The following PTPRM variants were observed in gnomAD, a reference collection of about 807,000 sequenced individuals.
PTPRM encodes the protein receptor-type tyrosine-protein phosphatase mu.
In PTPRM, 47 loss-of-function variants were observed where a neutral mutation model predicts 186.7. That is an observed-to-expected ratio of 0.25 (90% CI 0.20 to 0.32). PTPRM has a LOEUF of 0.32. Among genes scored for constraint, PTPRM ranks in the 10% least tolerant of loss-of-function variants. The pLI is 1.00. For synonymous variants in PTPRM, 668 were observed against 674.9 expected (o/e 0.99, Z 0.16); for missense variants, 1,494 against 1,865.0 (o/e 0.80, Z 3.66).
intron 1 of PTPRM, among the ~76,000 whole-genome samples, chr18:7,708,234 T>C (rs780418145): frequency 6.6e-6 from 1 of 152,202 alleles, no homozygotes; most frequent in Non-Finnish European, 1.5e-5. Context: ...CCAAATAACG[T>C]TTTCCAGTCT....
At chr18:8,077,458 C>T (rs1420831122) in intron 9 of PTPRM, among the ~76,000 whole-genome samples, 1 of 151,928 alleles carries the variant, frequency 6.6e-6, no homozygotes. Flanking sequence ...TTGAAACACA[C>T]ACAAAAATTA....
At chr18:8,095,086 T>C (rs1004759672) in intron 11 of PTPRM, among the ~76,000 whole-genome samples, 14 of 151,964 alleles carry the variant, frequency 9.2e-5, no homozygotes, top group African/African-American at 2.9e-4. Flanking sequence ...GTGCTAAGCA[T>C]TGGGGATATG....
chr18:7,856,761 T>C (rs1308293987), intron 2 of PTPRM, among the ~76,000 whole-genome samples: 1 of 125,680 alleles, frequency 8.0e-6, no homozygotes, highest in African/African-American at 2.9e-5. Flanking sequence ...AAAAAAGTCA[T>C]CAAGAGTGTG....
chr18:7,843,586 C>T (rs981191809), intron 2 of PTPRM, among the ~76,000 whole-genome samples: 12 of 152,156 alleles, frequency 7.9e-5, no homozygotes, highest in African/African-American at 2.4e-4. Flanking sequence ...TCTAGGCTAG[C>T]ATTTCCCAAA....
intron 1 of PTPRM, among the ~76,000 whole-genome samples, chr18:7,690,744 A>T (rs1164868490): frequency 1.3e-5 from 2 of 152,266 alleles, no homozygotes; most frequent in Admixed American, 1.3e-4. Flanking sequence ...TATGGTTGTT[A>T]CCTAAAGTTC....
intron 19 of PTPRM, among the ~76,000 whole-genome samples, chr18:8,290,474 G>C (rs572821647): frequency 6.6e-6 from 1 of 152,144 alleles, no homozygotes; most frequent in South Asian, 2.1e-4. Flanking sequence ...GTTCTCTTGA[G>C]GTGGGCAACT....
At chr18:8,039,419 A>G (rs963980222) in intron 7 of PTPRM, among the ~76,000 whole-genome samples, 7 of 152,174 alleles carry the variant, frequency 4.6e-5, no homozygotes, top group African/African-American at 1.7e-4. Flanking sequence ...ATACTTAAGT[A>G]TACCAGTTTA....
chr18:7,722,702 T>C (rs2040471124), intron 1 of PTPRM, among the ~76,000 whole-genome samples: 1 of 151,914 alleles, frequency 6.6e-6, no homozygotes, highest in African/African-American at 2.4e-5. Flanking sequence ...AAAAGACAAA[T>C]CATAAACTGG....
chr18:7,773,347 G>GCAT (rs2042417878), intron 1 of PTPRM, among the ~76,000 whole-genome samples: 1 of 152,040 alleles, frequency 6.6e-6, no homozygotes, highest in Admixed American at 6.5e-5. Flanking sequence ...GGTTTGTACT[G>GCAT]CATTTTGTCC....
In PTPRM at chr18:8,211,692, C is replaced by T. The variant is rs372006534; in HGVS notation, c.2301-32366C>T. On this transcript the variant is annotated intron_variant, in intron 14 of 32. Transcript: ENST00000580170. ...TGCTGGGATTACAGGCGTGAGCCAC[C>T]GTGCCCAGCCAGGTCTCTTCTGATT... 2.6e-5 allele frequency among the ~76,000 whole-genome samples: 4 copies of T among 152,210 alleles called. No homozygotes were observed. The East Asian group carries it at 5.8e-4, about 22-fold the overall frequency.
intron 14 of PTPRM, among the ~76,000 whole-genome samples, chr18:8,152,311 C>T (rs1207918938): frequency 6.6e-6 from 1 of 152,100 alleles, no homozygotes; most frequent in Non-Finnish European, 1.5e-5. Context: ...GAAGGAATAT[C>T]AAGGATGAAG....
chr18:7,802,598 C>T (rs550848800), intron 2 of PTPRM, among the ~76,000 whole-genome samples: 24 of 152,270 alleles, frequency 1.6e-4, no homozygotes, highest in African/African-American at 5.3e-4. Context: ...GCCGTTATTA[C>T]AAATGTGTAG....
At chr18:8,044,067 G>A (rs1457423538) in intron 7 of PTPRM, among the ~76,000 whole-genome samples, 1 of 152,198 alleles carries the variant, frequency 6.6e-6, no homozygotes, top group Non-Finnish European at 1.5e-5. Context: ...TTCTCAGGCA[G>A]GCACTCTCAG....
intron 7 of PTPRM, among the ~76,000 whole-genome samples, chr18:7,994,507 C>T (rs979302549): frequency 6.6e-5 from 10 of 152,098 alleles, no homozygotes; most frequent in South Asian, 2.1e-4. Context: ...ACCTTTCATC[C>T]GACAACTGCA....
intron 32 of PTPRM, among the ~76,000 whole-genome samples, chr18:8,398,140 TTTTTTA>T (rs377234548): frequency 5.1e-4 from 77 of 152,108 alleles, no homozygotes; most frequent in African/African-American, 1.7e-3. Context: ...GCCTGGCTGG[TTTTTTA>T]TTTTTATTTT....
intron 13 of PTPRM, among the ~76,000 whole-genome samples, chr18:8,137,620 G>C (rs527739423): frequency 3.9e-5 from 6 of 152,252 alleles, no homozygotes; most frequent in African/African-American, 1.4e-4. Flanking sequence ...AATCTGGGCT[G>C]TCCTACCCAG....
chr18:7,759,760 A>G (rs940248105), intron 1 of PTPRM, among the ~76,000 whole-genome samples: 2 of 152,136 alleles, frequency 1.3e-5, no homozygotes, highest in African/African-American at 2.4e-5. Context: ...AGCCATTTTC[A>G]TATTATGTTC....
At chr18:7,864,204 G>C (rs562846436) in intron 2 of PTPRM, among the ~76,000 whole-genome samples, 1 of 152,314 alleles carries the variant, frequency 6.6e-6, no homozygotes, top group African/African-American at 2.4e-5. Flanking sequence ...AGTTTAATTA[G>C]ATCCCATTTG....
intron 8 of PTPRM, 33 bp downstream of exon 8, chr18:8,070,027 A>G: frequency 6.4e-7 from 1 of 1,562,780 alleles, no homozygotes; most frequent in Non-Finnish European, 8.7e-7. Flanking sequence ...TTTGTGTAAA[A>G]CATGTTCTTT....
Sources: gnomAD v4.1 joint callset for allele counts (sites outside exome capture counted in the v4.1 genomes callset) on GRCh38, gnomAD v4.1.1 for gene constraint, MANE v1.5 for transcripts, NCBI Gene and HGNC (gene_info 2026-07-23, HGNC 2026-07-21) for gene names.